The following NPSR1 variants were observed in gnomAD, a reference collection of about 807,000 sequenced individuals.
The protein encoded by NPSR1 is neuropeptide S receptor.
NPSR1 carries 48 observed loss-of-function variants against 46.9 expected under a neutral mutation model. The ratio of observed to expected loss-of-function variants is 1.02; its 90% confidence interval spans 0.81 to 1.30. The LOEUF is 1.30. Ranked by LOEUF, NPSR1 falls within the 50% of genes most tolerant of loss-of-function variation. The probability of loss-of-function intolerance (pLI) is 0.00; values close to 1 mark genes in which losing one functional copy is unlikely to be tolerated. For missense variants in NPSR1, 450 were observed against 449.5 expected (o/e 1.00, Z -0.01); for synonymous variants, 176 against 168.1 (o/e 1.05, Z -0.36).
intron 3 of NPSR1, among the ~76,000 whole-genome samples, chr7:34,792,665 T>TTATATATATGTATATATATATATG (rs1787955665): frequency 2.5e-5 from 2 of 78,782 alleles, no homozygotes; most frequent in Middle Eastern, 6.3e-3. Flanking sequence ...ATATATATAT[T>TTATATATATGTATATATATATATG]TATATATATG....
At chr7:34,734,151 A>T (rs1215995917) in intron 2 of NPSR1, among the ~76,000 whole-genome samples, 1 of 152,246 alleles carries the variant, frequency 6.6e-6, no homozygotes, top group Non-Finnish European at 1.5e-5. Flanking sequence ...ATCTAAAGTT[A>T]GGTTCAAATC....
At chr7:34,790,733 A>G (rs147981386) in intron 3 of NPSR1, among the ~76,000 whole-genome samples, 1 of 112,416 alleles carries the variant, frequency 8.9e-6, no homozygotes, top group East Asian at 2.8e-4. Flanking sequence ...GTTATATGTT[A>G]TATGTTATAT....
At chr7:34,828,145 G>A (rs1322838970) in intron 5 of NPSR1, among the ~76,000 whole-genome samples, 2 of 152,234 alleles carry the variant, frequency 1.3e-5, no homozygotes, top group East Asian at 1.9e-4. Context: ...AGTGGAGTCA[G>A]ATAATGGCAG....
chr7:34,728,030 G>C (rs1202279423), intron 2 of NPSR1, among the ~76,000 whole-genome samples: 1 of 150,606 alleles, frequency 6.6e-6, no homozygotes. Flanking sequence ...CACCATCTGG[G>C]AAGAAAAACA....
rs1791214246 is a variant in NPSR1, at chr7:34,862,557, TTC to T, written c.1025+13896_1025+13897del. ...CTAAAATACCTAGTGTGGTTTCTCT[TTC>T]TTTGCCTGGATGGACCCTAACTCAT... On this transcript the variant is annotated intron_variant, in intron 8 of 8. Coordinates refer to the NPSR1 transcript ENST00000359791. 2.0e-5 allele frequency among the ~76,000 whole-genome samples: 3 copies of T among 151,912 alleles called. No homozygotes were observed. The South Asian group carries it at 6.2e-4, about 31-fold the overall frequency.
At chr7:34,804,763 A>G (rs1216362841) in intron 3 of NPSR1, among the ~76,000 whole-genome samples, 1 of 152,012 alleles carries the variant, frequency 6.6e-6, no homozygotes, top group Non-Finnish European at 1.5e-5. Context: ...GTAATTTTCT[A>G]TATTAAAATC....
At chr7:34,736,675 A>T (rs1050723497) in intron 2 of NPSR1, among the ~76,000 whole-genome samples, 1 of 152,028 alleles carries the variant, frequency 6.6e-6, no homozygotes, top group Admixed American at 6.6e-5. Flanking sequence ...ATCATAGCTC[A>T]CTGCAACCTG....
chr7:34,750,917 C>T, intron 2 of NPSR1: 2 of 737,258 alleles, frequency 2.7e-6, no homozygotes, highest in Admixed American at 1.7e-5. Context: ...CTTCCTCCAC[C>T]CCCAGCTCGG....
At chr7:34,690,691 A>G (rs1379020048) in intron 2 of NPSR1, among the ~76,000 whole-genome samples, 3 of 152,198 alleles carry the variant, frequency 2.0e-5, no homozygotes, top group Non-Finnish European at 2.9e-5. Context: ...CAGAAAAATG[A>G]ATTTTAAGAA....
rs1445093677 is a variant in NPSR1, at chr7:34,772,095, TTTTG to T, written c.281-6363_281-6360del. Among the ~76,000 whole-genome samples, 6 of 152,270 alleles carry T rather than the reference TTTTG, an allele frequency of 3.9e-5. No individual in the cohort carries two copies. The South Asian group carries it at 1.0e-3, about 26-fold the overall frequency. ...ATTTCAAAATAAAAGTTTTATTTTG[TTTTG>T]TTTTTCTTAAAGCCTTTTCAAACCA... On this transcript the variant is annotated intron_variant, in intron 2 of 8. Coordinates refer to ENST00000360581, the MANE Select transcript of NPSR1 (RefSeq NM_207172.2).
chr7:34,777,103 C>G (rs1786999487), intron 2 of NPSR1, among the ~76,000 whole-genome samples: 1 of 152,132 alleles, frequency 6.6e-6, no homozygotes, highest in South Asian at 2.1e-4. Context: ...AGTCCATGTG[C>G]CTCCCCAGTG....
chr7:34,873,969 T>C (rs1791519254), intron 8 of NPSR1, among the ~76,000 whole-genome samples: 1 of 151,602 alleles, frequency 6.6e-6, no homozygotes, highest in East Asian at 1.9e-4. Flanking sequence ...TAACTAAAGT[T>C]ATAACAACTC....
At chr7:34,792,529 G>GTACATATA (rs1392687223) in intron 3 of NPSR1, among the ~76,000 whole-genome samples, 1 of 138,440 alleles carries the variant, frequency 7.2e-6, no homozygotes, top group Non-Finnish European at 1.6e-5. Context: ...ATATATATAT[G>GTACATATA]TACATATATA....
At chr7:34,797,029 T>A (rs1217097943) in intron 3 of NPSR1, among the ~76,000 whole-genome samples, 1 of 152,194 alleles carries the variant, frequency 6.6e-6, no homozygotes, top group Non-Finnish European at 1.5e-5. Flanking sequence ...ATTTAAAGGT[T>A]ACGTGTCTCA....
At chr7:34,722,171 G>A (rs923893874) in intron 2 of NPSR1, among the ~76,000 whole-genome samples, 8 of 152,068 alleles carry the variant, frequency 5.3e-5, no homozygotes, top group Admixed American at 3.9e-4. Flanking sequence ...GGTGTAATTT[G>A]CAATATTCAT....
chr7:34,733,863 T>C (rs1479930982), intron 2 of NPSR1, among the ~76,000 whole-genome samples: 2 of 152,198 alleles, frequency 1.3e-5, no homozygotes, highest in Non-Finnish European at 2.9e-5. Context: ...GATATTTCTC[T>C]TACGAATGCC....
intron 2 of NPSR1, among the ~76,000 whole-genome samples, chr7:34,703,297 G>A (rs1032049184): frequency 2.0e-5 from 3 of 152,210 alleles, no homozygotes; most frequent in African/African-American, 7.2e-5. Flanking sequence ...CGTGAACCCG[G>A]GAAGCGGAGC....
At chr7:34,683,660 T>C (rs1792774941) in intron 1 of NPSR1, among the ~76,000 whole-genome samples, 2 of 152,030 alleles carry the variant, frequency 1.3e-5, no homozygotes, top group African/African-American at 2.4e-5. Flanking sequence ...TGCTGCATCA[T>C]TCCATGGCAG....
At chr7:34,757,208 A>G (rs976903677) in intron 2 of NPSR1, among the ~76,000 whole-genome samples, 9 of 152,186 alleles carry the variant, frequency 5.9e-5, no homozygotes, top group South Asian at 4.1e-4. Context: ...GCTCCAATAA[A>G]CAATCCAAAT....
Sources: gnomAD v4.1 joint callset for allele counts (sites outside exome capture counted in the v4.1 genomes callset) on GRCh38, gnomAD v4.1.1 for gene constraint, MANE v1.5 for transcripts, NCBI Gene and HGNC (gene_info 2026-07-23, HGNC 2026-07-21) for gene names.